AGBL4: variants seen among roughly 807,000 people sequenced by gnomAD.
AGBL4 encodes the protein cytosolic carboxypeptidase 6.
Under a neutral mutation model 66.4 loss-of-function variants are expected in AGBL4, and 58 were observed. The observed-to-expected ratio is 0.87, with a 90% CI of 0.71 to 1.09. The LOEUF is 1.09. Among genes scored for constraint, AGBL4 ranks in the 50% least tolerant of loss-of-function variants. AGBL4 has a pLI of 0.00. For missense variants in AGBL4, 579 were observed against 631.0 expected, an observed-to-expected ratio of 0.92 and a Z score of 0.88; for synonymous variants, 234 against 222.9, an observed-to-expected ratio of 1.05 and a Z score of -0.44.
At chr1:48,614,431 C>T (rs1338473553) in intron 9 of AGBL4, among the ~76,000 whole-genome samples, 1 of 152,158 alleles carries the variant, frequency 6.6e-6, no homozygotes, top group Non-Finnish European at 1.5e-5. Flanking sequence ...CTCATTAATC[C>T]TAACTAACTT....
chr1:49,866,557 A>T (rs1213748343), intron 1 of AGBL4, among the ~76,000 whole-genome samples: 1 of 152,164 alleles, frequency 6.6e-6, no homozygotes, highest in Admixed American at 6.5e-5. Flanking sequence ...TGAGGTCAGG[A>T]GTTCGAGACC....
intron 2 of AGBL4, among the ~76,000 whole-genome samples, chr1:49,815,634 G>A (rs528125405): frequency 6.6e-6 from 1 of 152,072 alleles, no homozygotes; most frequent in South Asian, 2.1e-4. Context: ...CTCATCAACA[G>A]TATATGAGGG....
intron 6 of AGBL4, among the ~76,000 whole-genome samples, chr1:48,703,458 G>T (rs979066029): frequency 4.6e-5 from 7 of 152,032 alleles, no homozygotes; most frequent in African/African-American, 1.7e-4. Context: ...CAAAAGAAAA[G>T]AATAAGTCTA....
At chr1:49,910,393 T>C (rs1474363828) in intron 1 of AGBL4, among the ~76,000 whole-genome samples, 2 of 152,144 alleles carry the variant, frequency 1.3e-5, no homozygotes, top group Admixed American at 1.3e-4. Context: ...GACAAGAGCT[T>C]CAGTGGAGTA....
chr1:48,884,040 C>T (rs1650050582), intron 5 of AGBL4, among the ~76,000 whole-genome samples: 1 of 152,202 alleles, frequency 6.6e-6, no homozygotes, highest in Non-Finnish European at 1.5e-5. Flanking sequence ...ACTCTACAAG[C>T]ATTCTATAAA....
chr1:49,383,355 A>G (rs779974136), intron 3 of AGBL4, among the ~76,000 whole-genome samples: 11 of 152,208 alleles, frequency 7.2e-5, no homozygotes, highest in Non-Finnish European at 1.0e-4. Flanking sequence ...TCTTGAGGAA[A>G]AAAAACATAG....
intron 1 of AGBL4, among the ~76,000 whole-genome samples, chr1:49,915,900 A>G (rs1184099365): frequency 1.3e-5 from 2 of 152,154 alleles, no homozygotes; most frequent in Non-Finnish European, 1.5e-5. Context: ...CAGAGGAATG[A>G]TCAGGCAGCA....
At chr1:49,487,358 T>G (rs1404595911) in intron 3 of AGBL4, among the ~76,000 whole-genome samples, 1 of 152,080 alleles carries the variant, frequency 6.6e-6, no homozygotes, top group South Asian at 2.1e-4. Flanking sequence ...AGTTTTGCTC[T>G]GTGTCCCCAC....
At chr1:49,747,235 A>G (rs1380873943) in intron 2 of AGBL4, among the ~76,000 whole-genome samples, 2 of 152,200 alleles carry the variant, frequency 1.3e-5, no homozygotes, top group Admixed American at 6.6e-5. Context: ...AAATAAAAGT[A>G]CATCAGAACT....
At chr1:48,644,092 G>A (rs1265741588) in intron 8 of AGBL4, among the ~76,000 whole-genome samples, 1 of 152,088 alleles carries the variant, frequency 6.6e-6, no homozygotes, top group Non-Finnish European at 1.5e-5. Flanking sequence ...AGGAGCAGGA[G>A]TATGACTCAT....
intron 4 of AGBL4, among the ~76,000 whole-genome samples, chr1:49,218,427 G>T (rs1323674867): frequency 2.6e-5 from 4 of 152,096 alleles, no homozygotes; most frequent in Non-Finnish European, 5.9e-5. Context: ...GTGCAAGAGG[G>T]TACATAGAGT....
intron 4 of AGBL4, among the ~76,000 whole-genome samples, chr1:49,081,898 C>T (rs573803634): frequency 3.3e-5 from 5 of 152,224 alleles, no homozygotes; most frequent in Admixed American, 2.0e-4. Flanking sequence ...ACCTTTTCCA[C>T]GTGTTTGGCA....
intron 3 of AGBL4, among the ~76,000 whole-genome samples, chr1:49,333,553 G>T (rs955275996): frequency 6.6e-6 from 1 of 151,994 alleles, no homozygotes; most frequent in African/African-American, 2.4e-5. Flanking sequence ...GCAAAAGAAC[G>T]ATTCAAGTTA....
chr1:49,555,714 C>T (rs1428393481), intron 3 of AGBL4, among the ~76,000 whole-genome samples: 2 of 150,290 alleles, frequency 1.3e-5, no homozygotes, highest in Non-Finnish European at 3.0e-5. Context: ...AAAAAGTGGG[C>T]CAAGGATATG....
At chr1:49,032,400 G>A (rs1664305505) in intron 5 of AGBL4, among the ~76,000 whole-genome samples, 1 of 152,160 alleles carries the variant, frequency 6.6e-6, no homozygotes, top group South Asian at 2.1e-4. Flanking sequence ...ATGACAAGGA[G>A]TGGCAGGGGG....
At chr1:48,692,678 CA>C (rs1444681358) in intron 6 of AGBL4, among the ~76,000 whole-genome samples, 4 of 152,150 alleles carry the variant, frequency 2.6e-5, no homozygotes, top group Non-Finnish European at 5.9e-5. Flanking sequence ...ACAGGTGATC[CA>C]GGGGTGATCC....
intron 9 of AGBL4, among the ~76,000 whole-genome samples, chr1:48,610,565 ATGT>A (rs780294791): frequency 6.6e-6 from 1 of 152,190 alleles, no homozygotes; most frequent in East Asian, 1.9e-4. Flanking sequence ...ATTTAAATAA[ATGT>A]TGTTAAGGGG....
chr1:49,615,437 T>C (rs1378279495), intron 3 of AGBL4, among the ~76,000 whole-genome samples: 1 of 152,142 alleles, frequency 6.6e-6, no homozygotes, highest in Non-Finnish European at 1.5e-5. Flanking sequence ...AATTTATAAA[T>C]CACATAAAAT....
rs540944135 is a variant in AGBL4, at chr1:49,508,293, A to G, written c.282+189020T>C. On this transcript the variant is annotated intron_variant, in intron 3 of 13. Coordinates refer to ENST00000371839, the MANE Select transcript of AGBL4 (RefSeq NM_032785.4). The stretch of plus-strand genomic sequence containing the variant: ...TTAAAGGATGGTTTTTGAAAAGTTA[A>G]AAGTTCCAGATAAATGAGAAGTGCC... Among the ~76,000 whole-genome samples the G allele has an allele frequency of 3.4e-5, 5 of 148,864 alleles. No individual in the cohort carries two copies. In the South Asian group the frequency reaches 1.0e-3, roughly 31 times the overall value.
Sources: allele counts gnomAD v4.1 joint callset (sites outside exome capture counted in the v4.1 genomes callset), GRCh38; gene constraint gnomAD v4.1.1; transcripts MANE v1.5; gene names NCBI Gene and HGNC (gene_info 2026-07-23, HGNC 2026-07-21).